CDK5R2: variants seen among roughly 807,000 people sequenced by gnomAD.
CDK5R2 encodes the protein cyclin-dependent kinase 5 activator 2.
Under a neutral mutation model 23.1 loss-of-function variants are expected in CDK5R2, and 7 were observed. The observed-to-expected ratio is 0.30, with a 90% CI of 0.17 to 0.57. The LOEUF is 0.57. Among genes scored for constraint, CDK5R2 ranks in the 20% least tolerant of loss-of-function variants. The pLI is 0.91. For missense variants in CDK5R2, 380 were observed against 537.6 expected, an observed-to-expected ratio of 0.71 and a Z score of 2.90; for synonymous variants, 242 against 264.9, an observed-to-expected ratio of 0.91 and a Z score of 0.84.
chr2:218,960,743 T>C lies in CDK5R2; in HGVS notation c.923T>C (p.Met308Thr). 1 of 1,613,882 alleles carries C rather than the reference T, an allele frequency of 6.2e-7. No individual in the cohort carries two copies. Among genetic ancestry groups the C allele is most frequent in the Non-Finnish European group, 8.5e-7 (1 of 1,179,902 alleles). The change falls in exon 1 of 1, where the codon ATG (methionine) becomes ACG (threonine). Residue 308 changes from methionine to threonine, a missense_variant. Physicochemically the swap from Met to Thr is moderately conservative, Grantham distance 81. Coordinates refer to ENST00000302625, the MANE Select transcript of CDK5R2 (RefSeq NM_003936.5). ...LRLIQRLSPQMLRLNADPHFF... is the reference protein window; with the variant it reads ...LRLIQRLSPQTLRLNADPHFF... ...CTCATCCAGCGGCTCAGCCCGCAGA[T>C]GCTGCGGCTCAACGCCGACCCCCAC...
chr2:218,959,872 C>A lies in CDK5R2; in HGVS notation c.52C>A (p.Pro18Thr). The change falls in exon 1 of 1, where the codon CCC (proline) becomes ACC (threonine). Residue 18 changes from proline (P) to threonine (T), a missense_variant. Transcript: ENST00000302625. The surrounding 1 kb of genome is among the most constrained non-coding windows in gnomAD (Gnocchi z 4.0). ...TGCCTCCTCGGCCAAGGGCCGGAGG[C>A]CCGGCGGGCTGCCCGAGGAGAAGAA... ...SPASSAKGRRPGGLPEEKKKA... is the reference protein window; with the variant it reads ...SPASSAKGRRTGGLPEEKKKA... The A allele has an allele frequency of 7.0e-7, 1 of 1,436,966 alleles. No individual in the cohort carries two copies. Among genetic ancestry groups the A allele is most frequent in the Non-Finnish European group, 9.0e-7 (1 of 1,107,336 alleles). The allele number at this position is 1,436,966 out of a possible 1,614,324, so 89.0% of individuals were successfully genotyped here. A position where few individuals can be genotyped will look rare whatever the true frequency, so the allele number is the denominator to read the frequency against.
rs777680428 is a variant in CDK5R2 at position 218,960,949 on chromosome 2, C to T, written c.*25C>T. On this transcript the variant is annotated 3_prime_UTR_variant, in exon 1 of 1. Transcript: ENST00000302625. ...GGGATACCCAGGGGCCGCGCCCATC[C>T]CCCGCCCCAGCCCCTGACACACACT... 1 of 1,228,022 alleles carries T rather than the reference C, an allele frequency of 8.1e-7. No individual in the cohort carries two copies. The allele number at this position is 1,228,022 out of a possible 1,614,324, so 76.1% of individuals were successfully genotyped here. A position where few individuals can be genotyped will look rare whatever the true frequency, so the allele number is the denominator to read the frequency against.
chr2:218,959,834 T>C lies in CDK5R2; in HGVS notation c.14T>C (p.Leu5Pro). 7.1e-7 allele frequency: 1 copy of C among 1,408,070 alleles called. No homozygotes were observed. Among genetic ancestry groups the C allele is most frequent in the Non-Finnish European group, 9.2e-7 (1 of 1,091,188 alleles). The allele number at this position is 1,408,070 out of a possible 1,614,324, so 87.2% of individuals were successfully genotyped here. A position where few individuals can be genotyped will look rare whatever the true frequency, so the allele number is the denominator to read the frequency against. MGTV[L>P]SLSPASSAKG... ...CCGCTCTGCAGGATGGGCACAGTGC[T>C]GTCTCTTTCGCCTGCCTCCTCGGCC... is the stretch of plus-strand genomic sequence containing the variant. The change falls in exon 1 of 1, where the codon CTG (leucine) becomes CCG (proline). Residue 5 changes from leucine (L) to proline (P), a missense_variant. By Grantham distance (98) the Leu-to-Pro change is moderately conservative. This residue lies in a region of CDK5R2 where 197 missense variants were observed against 246.4 expected (regional missense o/e 0.80). Coordinates refer to ENST00000302625, the MANE Select transcript of CDK5R2 (RefSeq NM_003936.5). This position sits in a 1 kb window ranked among gnomAD's most constrained non-coding sequence, Gnocchi z 4.0.
In CDK5R2 at chr2:218,959,886, C is replaced by G. The variant is rs760501749; in HGVS notation, c.66C>G (p.Pro22=). The change falls in exon 1 of 1, where the codon CCC becomes CCG. Residue 22 remains proline (P), a synonymous_variant. Coordinates refer to ENST00000302625, the MANE Select transcript of CDK5R2 (RefSeq NM_003936.5). The surrounding 1 kb of genome is among the most constrained non-coding windows in gnomAD (Gnocchi z 4.0). ...AGGGCCGGAGGCCCGGCGGGCTGCC[C>G]GAGGAGAAGAAGAAGGCGCCGCCCG... The part of the protein sequence containing the change: ...SAKGRRPGGL[P]EEKKKAPPAG... 17 of 1,449,372 alleles carry G rather than the reference C, an allele frequency of 1.2e-5. No homozygotes were observed. The highest frequency in any genetic ancestry group is 1.5e-5 in the African/African-American group (1 of 67,364). The allele number at this position is 1,449,372 out of a possible 1,614,324, so 89.8% of individuals were successfully genotyped here. A position where few individuals can be genotyped will look rare whatever the true frequency, so the allele number is the denominator to read the frequency against.
In CDK5R2 at chr2:218,960,000, C is replaced by T. The variant is rs930878539; in HGVS notation, c.180C>T (p.Leu60=). The T allele has an allele frequency of 7.0e-6, 11 of 1,577,614 alleles. No individual in the cohort carries two copies. Among genetic ancestry groups the T allele is most frequent in the Admixed American group, 1.8e-5 (1 of 55,060 alleles). ...GESRLKRPSV[L]ISALTWKRLV... ...GCCGACTCAAGCGGCCGTCCGTGCT[C>T]ATCTCGGCGCTCACCTGGAAGCGCC... Residue 60 remains leucine (L), a synonymous_variant, in exon 1 of 1, where the codon CTC becomes CTT. Transcript: ENST00000302625. The surrounding 1 kb of genome is among the most constrained non-coding windows in gnomAD (Gnocchi z 4.0).
chr2:218,960,877 A>T lies in CDK5R2; in HGVS notation c.1057A>T (p.Ser353Cys), dbSNP rs1256754957. 8 of 1,472,746 alleles carry T rather than the reference A, an allele frequency of 5.4e-6. No homozygotes were observed. Among genetic ancestry groups the T allele is most frequent in the Non-Finnish European group, 7.1e-6 (8 of 1,124,398 alleles). The allele number at this position is 1,472,746 out of a possible 1,614,324, so 91.2% of individuals were successfully genotyped here. A position where few individuals can be genotyped will look rare whatever the true frequency, so the allele number is the denominator to read the frequency against. ...CGCCGCCTCCTCGGCCGCCAGGGAC[A>T]GCTGCGCGGCCGGAACCAAGCACTG... Reference protein sequence around the residue: ...APAASSAARDSCAAGTKHWTM... With the variant: ...APAASSAARDCCAAGTKHWTM... The change falls in exon 1 of 1, where the codon AGC becomes TGC. Residue 353 changes from serine (S) to cysteine (C), a missense_variant. Transcript: ENST00000302625.
In CDK5R2 at chr2:218,960,178, C is replaced by T; in HGVS notation, c.358C>T (p.Pro120Ser). 6.6e-7 allele frequency: 1 copy of T among 1,514,270 alleles called. No individual in the cohort carries two copies. The highest frequency in any genetic ancestry group is 8.8e-7 in the Non-Finnish European group (1 of 1,136,528). The allele number at this position is 1,514,270 out of a possible 1,614,324, so 93.8% of individuals were successfully genotyped here. Residue 120 changes from proline (P) to serine (S), a missense_variant, in exon 1 of 1, where the codon CCC becomes TCC. Around this residue, in one of 3 missense-constraint regions of CDK5R2, gnomAD observed 197 missense variants for 246.4 expected, o/e 0.80. Transcript: ENST00000302625. ...CCCCGACGGCGGCGGCACCGCCAAG[C>T]CCCTGGCGGTGCCAGTGCCCACCGT... is the stretch of plus-strand genomic sequence containing the variant. ...DPPDGGGTAK[P>S]LAVPVPTVPA...
rs868760743 is a variant in CDK5R2, at chr2:218,960,808, G to A, written c.988G>A (p.Glu330Lys). 3.1e-6 allele frequency: 5 copies of A among 1,587,918 alleles called. No individual in the cohort carries two copies. The highest frequency in any genetic ancestry group is 1.7e-4 in the Middle Eastern group (1 of 5,910). ...CTTTCAAGACCTCAAGAACGAGGGCGAGGCCGCCGCCAGCGGCGGGGGCCC... is the reference window on the plus strand; with the variant it reads ...CTTTCAAGACCTCAAGAACGAGGGCAAGGCCGCCGCCAGCGGCGGGGGCCC... Reference protein sequence around the residue: ...QVFQDLKNEGEAAASGGGPPS... With the variant: ...QVFQDLKNEGKAAASGGGPPS... Residue 330 changes from glutamate to lysine, a missense_variant, in exon 1 of 1, where the codon GAG becomes AAG. Physicochemically the swap from Glu to Lys is moderately conservative, Grantham distance 56. This residue lies in a region of CDK5R2 where 124 missense variants were observed against 235.5 expected (regional missense o/e 0.53). Coordinates refer to ENST00000302625, the MANE Select transcript of CDK5R2 (RefSeq NM_003936.5).
Position 218,960,318 on chromosome 2 carries a change from G to A in CDK5R2, c.498G>A (p.Ala166=), listed in dbSNP as rs1205332739. ...PPPPPPAPQV[A]PPVPGGSPRR... is the part of the protein sequence containing the mutation. ...CGCCTCCCCCAGCCCCGCAGGTGGC[G>A]CCGCCGGTGCCTGGCGGCTCGCCGC... Residue 166 remains alanine, a synonymous_variant, in exon 1 of 1, where the codon GCG becomes GCA. Transcript: ENST00000302625. 3.4e-6 allele frequency: 5 copies of A among 1,473,844 alleles called. No individual in the cohort carries two copies. Among genetic ancestry groups the A allele is most frequent in the Middle Eastern group, 2.2e-4 (1 of 4,630 alleles). The allele number at this position is 1,473,844 out of a possible 1,614,324, so 91.3% of individuals were successfully genotyped here.
chr2:218,959,925 G>T lies in CDK5R2; in HGVS notation c.105G>T (p.Ala35=). ...AGGCGCCGCCCGCGGGGGACGAGGC[G>T]CTGGGGGGCTACGGGGCGCCGCCAG... ...KKKAPPAGDE[A]LGGYGAPPVG... The change falls in exon 1 of 1, where the codon GCG becomes GCT. Residue 35 remains alanine (A), a synonymous_variant. Transcript: ENST00000302625. The surrounding 1 kb of genome is among the most constrained non-coding windows in gnomAD (Gnocchi z 4.0). The T allele has an allele frequency of 6.7e-7, 1 of 1,501,910 alleles. No individual in the cohort carries two copies. The highest frequency in any genetic ancestry group is 2.6e-5 in the East Asian group (1 of 38,356). 93.0% of individuals were successfully genotyped at this position (1,501,910 alleles called of 1,614,324 possible). A position where few individuals can be genotyped will look rare whatever the true frequency, so the allele number is the denominator to read the frequency against.
rs1945195251 is a variant in CDK5R2 at position 218,960,428 on chromosome 2, A to T, written c.608A>T (p.Glu203Val). 2 of 1,609,962 alleles carry T rather than the reference A, an allele frequency of 1.2e-6. No individual in the cohort carries two copies. Among genetic ancestry groups the T allele is most frequent in the African/African-American group, 1.3e-5 (1 of 74,796 alleles). The change falls in exon 1 of 1, where the codon GAG becomes GTG. Residue 203 changes from glutamate (E) to valine (V), a missense_variant. Around this residue, in one of 3 missense-constraint regions of CDK5R2, gnomAD observed 124 missense variants for 235.5 expected, o/e 0.53. Coordinates refer to ENST00000302625, the MANE Select transcript of CDK5R2 (RefSeq NM_003936.5). ...TGCCGACGCTGCTATCGCCTCAAGG[A>T]GCTGAGCCCGGGCGAGCTGGTGGGC... ...FVCRRCYRLKELSPGELVGWF... is the reference protein window; with the variant it reads ...FVCRRCYRLKVLSPGELVGWF...
rs1022140434 is a variant in CDK5R2, at chr2:218,961,402, A to G, written c.*478A>G. 3 of 164,748 alleles carry G rather than the reference A, an allele frequency of 1.8e-5. No individual in the cohort carries two copies. Among genetic ancestry groups the G allele is most frequent in the African/African-American group, 7.6e-5 (3 of 39,222 alleles). 10.2% of individuals were successfully genotyped at this position (164,748 alleles called of 1,614,324 possible). ...GTTTGTGTGTCTGCATCTCCATCTT[A>G]CCCCTTGCCTGACTGTACCCCGTAG... On this transcript the variant is annotated 3_prime_UTR_variant, in exon 1 of 1. Transcript: ENST00000302625. The surrounding 1 kb of genome is among the most constrained non-coding windows in gnomAD (Gnocchi z 4.4).
rs1188667398 is a variant in CDK5R2, at chr2:218,959,739, C to T, written c.-82C>T. On this transcript the variant is annotated 5_prime_UTR_variant, in exon 1 of 1. Transcript: ENST00000302625. The surrounding 1 kb of genome is among the most constrained non-coding windows in gnomAD (Gnocchi z 4.0). ...CCCGGGCCGGGGCTAGGCCCCCCAC[C>T]GCCGGGTCCCCCGGGGCTGCAGTAG... is the stretch of plus-strand genomic sequence containing the variant. The T allele has an allele frequency of 8.2e-7, 1 of 1,220,190 alleles. No individual in the cohort carries two copies. 75.6% of individuals were successfully genotyped at this position (1,220,190 alleles called of 1,614,324 possible).
In CDK5R2 at chr2:218,960,675, C is replaced by T. The variant is rs1373719787; in HGVS notation, c.855C>T (p.Leu285=). The T allele has an allele frequency of 1.9e-6, 3 of 1,614,066 alleles. No individual in the cohort carries two copies. Among genetic ancestry groups the T allele is most frequent in the Admixed American group, 1.7e-5 (1 of 60,032 alleles). Residue 285 remains leucine, a synonymous_variant, in exon 1 of 1, where the codon CTC becomes CTT. Coordinates refer to ENST00000302625, the MANE Select transcript of CDK5R2 (RefSeq NM_003936.5). The part of the protein sequence containing the change: ...NEISYPLKPF[L]VEPDKERFWQ... ...TCTCCTACCCACTCAAGCCCTTCCT[C>T]GTGGAGCCCGACAAGGAGCGCTTCT...
At position 218,961,043 on chromosome 2, in the gene CDK5R2, G is replaced by T; in HGVS notation, c.*119G>T. 1 of 520,126 alleles carries T rather than the reference G, an allele frequency of 1.9e-6. No individual in the cohort carries two copies. Among genetic ancestry groups the T allele is most frequent in the Non-Finnish European group, 3.3e-6 (1 of 306,514 alleles). The allele number at this position is 520,126 out of a possible 1,614,324, so 32.2% of individuals were successfully genotyped here. On this transcript the variant is annotated 3_prime_UTR_variant, in exon 1 of 1. Transcript: ENST00000302625. The surrounding 1 kb of genome is among the most constrained non-coding windows in gnomAD (Gnocchi z 4.4). ...CTCAGCGCCCCGGCTGGGCGGAGGAGGAGACGCCCATGCCCCTCAGGGGAA... is the reference window on the plus strand; with the variant it reads ...CTCAGCGCCCCGGCTGGGCGGAGGATGAGACGCCCATGCCCCTCAGGGGAA...
At position 218,961,239 on chromosome 2, in the gene CDK5R2, G is replaced by T; in HGVS notation, c.*315G>T. On this transcript the variant is annotated 3_prime_UTR_variant, in exon 1 of 1. Coordinates refer to ENST00000302625, the MANE Select transcript of CDK5R2 (RefSeq NM_003936.5). This position sits in a 1 kb window ranked among gnomAD's most constrained non-coding sequence, Gnocchi z 4.4. ...CCTTCCCTTCAGCCCATTCCCCCTC[G>T]GTTTTATCCATTTCCTTGCCTCCTT... 1 of 322,854 alleles carries T rather than the reference G, an allele frequency of 3.1e-6. No homozygotes were observed. The highest frequency in any genetic ancestry group is 5.9e-6 in the Non-Finnish European group (1 of 170,306). The allele number at this position is 322,854 out of a possible 1,614,324, so 20.0% of individuals were successfully genotyped here. A position where few individuals can be genotyped will look rare whatever the true frequency, so the allele number is the denominator to read the frequency against.
rs779139103 is a variant in CDK5R2, at chr2:218,960,041, C to T, written c.221C>T (p.Ala74Val). The stretch of plus-strand genomic sequence containing the variant: ...TGGAAGCGCCTGGTGGCCGCGTCCG[C>T]CAAGAAGAAGAAAGGCAGCAAGAAG... ...LTWKRLVAAS[A>V]KKKKGSKKVT... The change falls in exon 1 of 1, where the codon GCC (alanine) becomes GTC (valine). Residue 74 changes from alanine to valine, a missense_variant. This residue lies in a region of CDK5R2 where 197 missense variants were observed against 246.4 expected (regional missense o/e 0.80). Coordinates refer to ENST00000302625, the MANE Select transcript of CDK5R2 (RefSeq NM_003936.5). 32 of 1,599,436 alleles carry T rather than the reference C, an allele frequency of 2.0e-5. No individual in the cohort carries two copies. The highest frequency in any genetic ancestry group is 2.6e-5 in the Non-Finnish European group (30 of 1,174,374).
Position 218,960,849 on chromosome 2 carries a change from G to A in CDK5R2, c.1029G>A (p.Ala343=). 1.3e-6 allele frequency: 2 copies of A among 1,500,030 alleles called. No individual in the cohort carries two copies. Among genetic ancestry groups the A allele is most frequent in the East Asian group, 2.6e-5 (1 of 38,542 alleles). The allele number at this position is 1,500,030 out of a possible 1,614,324, so 92.9% of individuals were successfully genotyped here. The change falls in exon 1 of 1, where the codon GCG becomes GCA. Residue 343 remains alanine, a synonymous_variant. Transcript: ENST00000302625. ...ASGGGPPSGG[A]PAASSAARDS... ...GCGGGGGCCCACCGAGCGGGGGCGC[G>A]CCCGCCGCCTCCTCGGCCGCCAGGG...
Position 218,960,447 on chromosome 2 carries a change from G to C in CDK5R2, c.627G>C (p.Leu209=), listed in dbSNP as rs1353568289. ...YRLKELSPGE[L]VGWFRGVDRS... is the part of the protein sequence containing the mutation. Reference sequence around the variant, plus strand: ...TCAAGGAGCTGAGCCCGGGCGAGCTGGTGGGCTGGTTCCGCGGTGTGGACC... The same window carrying C: ...TCAAGGAGCTGAGCCCGGGCGAGCTCGTGGGCTGGTTCCGCGGTGTGGACC... The change falls in exon 1 of 1, where the codon CTG becomes CTC. Residue 209 remains leucine, a synonymous_variant. Coordinates refer to ENST00000302625, the MANE Select transcript of CDK5R2 (RefSeq NM_003936.5). The C allele has an allele frequency of 4.3e-6, 7 of 1,612,282 alleles. No individual in the cohort carries two copies. The highest frequency in any genetic ancestry group is 5.9e-6 in the Non-Finnish European group (7 of 1,179,844).
Sources: gnomAD v4.1 joint callset for allele counts on GRCh38, gnomAD v4.1.1 for gene constraint, gnomAD v4.1.1 regional missense constraint, Gnocchi (gnomAD v3.1) non-coding constraint, MANE v1.5 for transcripts, NCBI Gene and HGNC (gene_info 2026-07-23, HGNC 2026-07-21) for gene names.